Variants in RIPK1 observed in about 807,000 individuals in gnomAD.
The protein encoded by RIPK1 is receptor-interacting serine/threonine-protein kinase 1.
A neutral mutation model predicts 62.4 loss-of-function variants in RIPK1; 27 were observed. The ratio of observed to expected loss-of-function variants is 0.43; its 90% CI spans 0.32 to 0.60. The LOEUF is 0.60. Ranked by LOEUF, RIPK1 falls within the 20% of genes least tolerant of loss-of-function variation. RIPK1 has a pLI of 0.07. For missense variants in RIPK1, 735 were observed against 831.0 expected (o/e 0.88, Z 1.42); for synonymous variants, 287 against 303.2 (o/e 0.95, Z 0.55).
intron 6 of RIPK1, among the ~76,000 whole-genome samples, chr6:3,088,312 C>T (rs554029238): frequency 7.2e-5 from 11 of 152,170 alleles, no homozygotes; most frequent in Admixed American, 1.3e-4. Context: ...GGAATTCTGG[C>T]AGAGTCCACA....
At chr6:3,074,972 G>A (rs1758974119) in intron 1 of RIPK1, among the ~76,000 whole-genome samples, 1 of 152,170 alleles carries the variant, frequency 6.6e-6, no homozygotes, top group Non-Finnish European at 1.5e-5. Context: ...GAGCCACGGC[G>A]CCCAGCCGGG....
intron 7 of RIPK1, among the ~76,000 whole-genome samples, chr6:3,097,050 T>C (rs913958025): frequency 2.0e-5 from 3 of 152,096 alleles, no homozygotes; most frequent in African/African-American, 7.2e-5. Context: ...TTTGTATTTT[T>C]AGTAGACATG....
intron 7 of RIPK1, among the ~76,000 whole-genome samples, chr6:3,098,345 C>G (rs528314597): frequency 8.6e-5 from 13 of 152,022 alleles, no homozygotes; most frequent in African/African-American, 1.7e-4. Flanking sequence ...GGGCACTTCA[C>G]CAAAGAGAAT....
chr6:3,066,255 C>A (rs1295110830), upstream of RIPK1, among the ~76,000 whole-genome samples: 2 of 152,210 alleles, frequency 1.3e-5, no homozygotes, highest in Non-Finnish European at 2.9e-5. Context: ...AACCCCTGAG[C>A]TCAGGCAATC....
intron 2 of RIPK1, among the ~76,000 whole-genome samples, chr6:3,077,556 T>C (rs891826377): frequency 5.3e-5 from 8 of 152,174 alleles, no homozygotes; most frequent in Admixed American, 1.3e-4. Context: ...CATTCCTTCA[T>C]TGATTTACAT....
intron 1 of RIPK1, 61 bp from the exon 2 acceptor site, chr6:3,076,696 AAACATAT>A: frequency 4.2e-6 from 1 of 238,762 alleles, no homozygotes; most frequent in Non-Finnish European, 6.3e-6. Flanking sequence ...AGAAAAAAAA[AAACATAT>A]ATATATATAT....
upstream of RIPK1, among the ~76,000 whole-genome samples, chr6:3,067,339 A>G (rs1581366642): frequency 6.6e-6 from 1 of 152,114 alleles, no homozygotes; most frequent in Non-Finnish European, 1.5e-5. Context: ...TCCAGACTCT[A>G]ACATTAGGCA....
At chr6:3,076,705 T>TATATATATATA in intron 1 of RIPK1, 59 bp from the exon 2 acceptor site, 1 of 318,936 alleles carries the variant, frequency 3.1e-6, no homozygotes, top group Non-Finnish European at 4.9e-6. Context: ...AAAACATATA[T>TATATATATATA]ATATATATAT....
At position 3,083,165 on chromosome 6, in the gene RIPK1, C is replaced by T. The variant is rs150620171; in HGVS notation, c.540C>T (p.Asp180=). 25 of 1,613,910 alleles carry T rather than the reference C, an allele frequency of 1.5e-5. No homozygotes were observed. The highest frequency in any genetic ancestry group is 5.0e-5 in the Admixed American group (3 of 59,984). ...NEEHNELREV[D]GTAKKNGGTL... Reference sequence around the variant, plus strand: ...AGCACAATGAGCTGAGGGAAGTGGACGGCACCGCTAAGAAGAATGGCGGCA... The same window carrying T: ...AGCACAATGAGCTGAGGGAAGTGGATGGCACCGCTAAGAAGAATGGCGGCA... The change falls in exon 5 of 11, where the codon GAC becomes GAT. Residue 180 remains aspartate, a synonymous_variant. Coordinates refer to ENST00000259808, the MANE Select transcript of RIPK1 (RefSeq NM_001354930.2).
At chr6:3,106,612 C>T (rs554868407) in intron 9 of RIPK1, among the ~76,000 whole-genome samples, 2 of 152,324 alleles carry the variant, frequency 1.3e-5, no homozygotes, top group East Asian at 3.9e-4. Context: ...ATCACCTTAA[C>T]TACCTGAACA....
intron 7 of RIPK1, among the ~76,000 whole-genome samples, chr6:3,095,568 C>T (rs1760247948): frequency 2.6e-5 from 4 of 152,168 alleles, no homozygotes. Flanking sequence ...TATAAACAAA[C>T]TCAATTCATC....
chr6:3,070,371 A>G (rs754576382), intron 1 of RIPK1, among the ~76,000 whole-genome samples: 5 of 152,196 alleles, frequency 3.3e-5, no homozygotes, highest in African/African-American at 1.2e-4. Context: ...ACATTCTGGC[A>G]AAAAAGGTTG....
At chr6:3,109,491 G>A (rs1181072288) in intron 9 of RIPK1, among the ~76,000 whole-genome samples, 1 of 152,102 alleles carries the variant, frequency 6.6e-6, no homozygotes, top group Non-Finnish European at 1.5e-5. Context: ...GAACCTGAGA[G>A]GTTTGAGTTT....
At chr6:3,071,975 GTC>G (rs776726013) in intron 1 of RIPK1, among the ~76,000 whole-genome samples, 2 of 152,196 alleles carry the variant, frequency 1.3e-5, no homozygotes, top group Non-Finnish European at 2.9e-5. Flanking sequence ...TTTCTTTACT[GTC>G]TGTGACCTTT....
upstream of RIPK1, among the ~76,000 whole-genome samples, chr6:3,065,428 GGC>G: frequency 6.6e-6 from 1 of 152,056 alleles, no homozygotes; most frequent in East Asian, 1.9e-4. Flanking sequence ...AGTGGGGAGT[GGC>G]TCTAGGGAGA....
chr6:3,073,245 CAT>C (rs66518534), intron 1 of RIPK1, among the ~76,000 whole-genome samples: 23 of 124,348 alleles, frequency 1.8e-4, no homozygotes, highest in African/African-American at 3.7e-4. Flanking sequence ...ATTTTTATAT[CAT>C]ATATTATATA....
intron 1 of RIPK1, among the ~76,000 whole-genome samples, chr6:3,073,886 G>A (rs546029371): frequency 2.1e-4 from 32 of 152,278 alleles, no homozygotes; most frequent in African/African-American, 3.1e-4. Context: ...CGTCCACCAC[G>A]ACTATCGTCT....
intron 6 of RIPK1, among the ~76,000 whole-genome samples, chr6:3,087,697 A>G (rs377076015): frequency 9.9e-5 from 15 of 151,048 alleles, no homozygotes; most frequent in Non-Finnish European, 1.5e-4. Context: ...CCGCCACCAC[A>G]CCTGGCTAAT....
intron 1 of RIPK1, among the ~76,000 whole-genome samples, chr6:3,071,720 A>G (rs1758720765): frequency 6.6e-6 from 1 of 152,214 alleles, no homozygotes; most frequent in Non-Finnish European, 1.5e-5. Flanking sequence ...CTAAACTAGC[A>G]AACCGCAAGA....
Sources: allele counts gnomAD v4.1 joint callset (sites outside exome capture counted in the v4.1 genomes callset), GRCh38; gene constraint gnomAD v4.1.1; transcripts MANE v1.5; gene names NCBI Gene and HGNC (gene_info 2026-07-23, HGNC 2026-07-21).